PLXNB3: variants seen among roughly 807,000 people sequenced by gnomAD.
PLXNB3 encodes plexin-B3.
PLXNB3 carries 80 observed loss-of-function variants against 125.7 expected under a neutral mutation model. That is an observed-to-expected ratio of 0.64 (90% CI 0.53 to 0.77). The LOEUF is 0.77. Ranked by LOEUF, PLXNB3 falls within the 30% of genes least tolerant of loss-of-function variation. The probability of loss-of-function intolerance (pLI) is 0.00; values close to 1 mark genes in which losing one functional copy is unlikely to be tolerated. For missense variants in PLXNB3, 1,836 were observed against 1,729.3 expected, an observed-to-expected ratio of 1.06 and a Z score of -1.09; for synonymous variants, 954 against 783.3, an observed-to-expected ratio of 1.22 and a Z score of -3.64.
chrX:153,773,767 G>A (rs2091957990), intron 19 of PLXNB3, 54 bp downstream of exon 19: 2 of 1,186,529 alleles, frequency 1.7e-6, no homozygotes, highest in South Asian at 1.9e-5. Flanking sequence ...CCCATGCCCA[G>A]TGGGGAGGAG....
At position 153,771,581 on chromosome X, in the gene PLXNB3, C is replaced by A. The variant is rs782255019; in HGVS notation, c.2443C>A (p.Pro815Thr). 23 of 1,207,641 alleles carry A rather than the reference C, an allele frequency of 1.9e-5. No individual in the cohort carries two copies. The highest frequency in any genetic ancestry group is 2.3e-5 in the Non-Finnish European group (21 of 894,420). The change falls in exon 14 of 36, where the codon CCT becomes ACT. Residue 815 changes from proline to threonine, a missense_variant. Transcript: ENST00000361971. ...CTGCCTGTGGTGTGCTGACGGCCAG[C>A]CTGCCTGTCGCTATGGGCCCTTGTG... Reference protein sequence around the residue: ...LGCLWCADGQPACRYGPLCPP... With the variant: ...LGCLWCADGQTACRYGPLCPP...
In PLXNB3 at chrX:153,776,470, G is replaced by C. The variant is rs781850331; in HGVS notation, c.4833+11G>C. On this transcript the variant is annotated intron_variant, in intron 28 of 35. Transcript: ENST00000361971. ...TTGCAACACTACAAGGTGTGAGCAG[G>C]GACGGGGCGAGGCAGGGCGGGGCTG... The C allele has an allele frequency of 6.8e-5, 65 of 954,996 alleles. No homozygotes were observed. In the South Asian group the frequency reaches 1.2e-3, roughly 17 times the overall value. 78.7% of individuals were successfully genotyped at this position (954,996 alleles called of 1,213,427 possible).
chrX:153,765,381 C>G (rs1557058779), intron 1 of PLXNB3, 90 bp from the exon 2 acceptor site: 3 of 691,037 alleles, frequency 4.3e-6, no homozygotes, highest in African/African-American at 2.2e-5. Flanking sequence ...AGCCCGGTCG[C>G]TAGGCCCTGG....
At chrX:153,771,175 A>G in intron 12 of PLXNB3, 94 bp downstream of exon 12, 4 of 925,546 alleles carry the variant, frequency 4.3e-6, no homozygotes, top group Non-Finnish European at 6.2e-6. Context: ...GGGGCCCATA[A>G]CCTCTGTCTG....
In PLXNB3 at chrX:153,769,873, G is replaced by T. The variant is rs1557060936; in HGVS notation, c.1563G>T (p.Glu521Asp). 8.3e-7 allele frequency: 1 copy of T among 1,207,470 alleles called. No homozygotes were observed. The highest frequency in any genetic ancestry group is 3.0e-5 in the East Asian group (1 of 33,767). Reference protein sequence around the residue: ...QLNQWLWSYEEDSHCLHIQSL... With the variant: ...QLNQWLWSYEDDSHCLHIQSL... ...ACCAGTGGCTGTGGAGTTATGAGGA[G>T]GACAGCCACTGCCTGCACATCCAGA... Residue 521 changes from glutamate (E) to aspartate (D), a missense_variant, in exon 7 of 36, where the codon GAG (glutamate) becomes GAT (aspartate). Transcript: ENST00000361971.
chrX:153,773,025 C>G lies in PLXNB3; in HGVS notation c.2906+9C>G. Reference sequence around the variant, plus strand: ...GGCCAACCCTGTCCCATGTGAGTCCCGGCCTGGCTGCCGTCGGGTGGTGGG... The same window carrying G: ...GGCCAACCCTGTCCCATGTGAGTCCGGGCCTGGCTGCCGTCGGGTGGTGGG... On this transcript the variant is annotated intron_variant, in intron 17 of 35. Coordinates refer to ENST00000361971, the MANE Select transcript of PLXNB3 (RefSeq NM_005393.3). 8.6e-7 allele frequency: 1 copy of G among 1,163,274 alleles called. No homozygotes were observed. The highest frequency in any genetic ancestry group is 1.1e-6 in the Non-Finnish European group (1 of 874,815).
chrX:153,771,007 G>A lies in PLXNB3; in HGVS notation c.2179G>A (p.Glu727Lys). ...SFHCWLELPG[E>K]LRGLPATLEE... ...CCACTGCTGGCTGGAGCTGCCTGGA[G>A]AACTTCGGGGACTGCCGGCCACCCT... Residue 727 changes from glutamate to lysine, a missense_variant, in exon 12 of 36, where the codon GAA (glutamate) becomes AAA (lysine). Physicochemically the swap from Glu to Lys is moderately conservative, Grantham distance 56. Coordinates refer to ENST00000361971, the MANE Select transcript of PLXNB3 (RefSeq NM_005393.3). The A allele has an allele frequency of 5.8e-6, 7 of 1,210,850 alleles. No homozygotes were observed. Among genetic ancestry groups the A allele is most frequent in the South Asian group, 1.8e-5 (1 of 57,005 alleles).
intron 6 of PLXNB3, 41 bp downstream of exon 6, chrX:153,769,303 G>A (rs1557060669): frequency 7.6e-6 from 8 of 1,049,377 alleles, no homozygotes; most frequent in Non-Finnish European, 1.0e-5. Flanking sequence ...CCAACGGGTG[G>A]TGTGTGCCAC....
intron 5 of PLXNB3, 38 bp downstream of exon 5, chrX:153,769,114 C>G (rs781913138): frequency 8.3e-7 from 1 of 1,199,169 alleles, no homozygotes; most frequent in East Asian, 3.0e-5. Flanking sequence ...CCAGCACACG[C>G]GGCCCAAGTC....
chrX:153,766,307 C>T (rs782171127), intron 2 of PLXNB3: 36 of 1,160,094 alleles, frequency 3.1e-5, no homozygotes, highest in South Asian at 3.9e-5. Context: ...TCCTTGCAGC[C>T]GGCCCTGGCT....
At chrX:153,768,746 C>G (rs781951982) in intron 4 of PLXNB3, among the ~76,000 whole-genome samples, 7 of 112,381 alleles carry the variant, frequency 6.2e-5, no homozygotes, top group Non-Finnish European at 9.4e-5. Context: ...CAGGGTGCCG[C>G]TGCTGCCCCG....
chrX:153,772,075 T>G (rs782032727), intron 15 of PLXNB3, 60 bp downstream of exon 15: 3 of 1,127,694 alleles, frequency 2.7e-6, no homozygotes, highest in Non-Finnish European at 3.5e-6. Flanking sequence ...CACCCAGAGA[T>G]AAGGAAGGCC....
At chrX:153,770,011 C>G in intron 7 of PLXNB3, 72 bp downstream of exon 7, 2 of 1,189,573 alleles carry the variant, frequency 1.7e-6, no homozygotes, top group Non-Finnish European at 2.3e-6. Context: ...CCGCCTGCCT[C>G]CCGTCCTCCT....
intron 16 of PLXNB3, 94 bp downstream of exon 16, chrX:153,772,381 C>A: frequency 1.5e-6 from 1 of 661,152 alleles, no homozygotes; most frequent in Non-Finnish European, 2.4e-6. Context: ...GCTGGGTCTG[C>A]GGGGAGCAGG....
At position 153,767,634 on chromosome X, in the gene PLXNB3, G is replaced by GTTGGT; in HGVS notation, c.807_808insTTGGT (p.Asp270LeufsTer33). ...CCTACGTGGCCCGCGTCTGCCTGGG[G>GTTGGT]GACACCAACCTGTACTCCTACGTGG... On this transcript the variant is annotated frameshift_variant, in exon 3 of 36. Coordinates refer to ENST00000361971, the MANE Select transcript of PLXNB3 (RefSeq NM_005393.3). LOFTEE classifies it high-confidence loss of function. 5 of 1,197,763 alleles carry GTTGGT rather than the reference G, an allele frequency of 4.2e-6. No homozygotes were observed. Among genetic ancestry groups the GTTGGT allele is most frequent in the Non-Finnish European group, 5.6e-6 (5 of 888,751 alleles).
In PLXNB3 at chrX:153,778,617, C is replaced by G; in HGVS notation, c.5568C>G (p.Pro1856=). ...GCCCCCAGAACTACACTTCTGCTCC[C>G]CACTGTCTGGAGGCTCTGCAAGAAC... is the stretch of plus-strand genomic sequence containing the variant. The part of the protein sequence containing the change: ...AELSGNYTSA[P]HCLEALQELY... Residue 1856 remains proline, a synonymous_variant, in exon 35 of 36, where the codon CCC becomes CCG. Coordinates refer to ENST00000361971, the MANE Select transcript of PLXNB3 (RefSeq NM_005393.3). 1 of 1,204,591 alleles carries G rather than the reference C, an allele frequency of 8.3e-7. No individual in the cohort carries two copies. Among genetic ancestry groups the G allele is most frequent in the Non-Finnish European group, 1.1e-6 (1 of 891,214 alleles).
intron 34 of PLXNB3, 34 bp from the exon 35 acceptor site, chrX:153,778,566 G>T (rs2092022058): frequency 8.5e-7 from 1 of 1,177,486 alleles, no homozygotes; most frequent in Non-Finnish European, 1.2e-6. Context: ...ACCAGGCTGG[G>T]ACCTCACTGC....
Position 153,775,369 on chromosome X carries a change from T to A in PLXNB3, c.4300T>A (p.Tyr1434Asn). Residue 1434 changes from tyrosine to asparagine, a missense_variant, in exon 25 of 36, where the codon TAC (tyrosine) becomes AAC (asparagine). Tyr to Asn is a moderately radical substitution (Grantham distance 143, BLOSUM62 -2). Coordinates refer to ENST00000361971, the MANE Select transcript of PLXNB3 (RefSeq NM_005393.3). ...RTLLGDLAAH[Y>N]VHRNPKLMLR... ...CCTGCTGGGTGACCTGGCGGCCCAT[T>A]ACGTGCACAGGAACCCCAAGCTCAT... 8.3e-7 allele frequency: 1 copy of A among 1,208,608 alleles called. No individual in the cohort carries two copies. Among genetic ancestry groups the A allele is most frequent in the East Asian group, 3.0e-5 (1 of 33,825 alleles).
In PLXNB3 at chrX:153,770,159, A is replaced by G; in HGVS notation, c.1697A>G (p.Asp566Gly). ...GAATACTTCCATTGTGCGTTCGGGGACTATGACAGCTTGGCTCATGTGGAA... is the reference window on the plus strand; with the variant it reads ...GAATACTTCCATTGTGCGTTCGGGGGCTATGACAGCTTGGCTCATGTGGAA... Reference protein sequence around the residue: ...ADEYFHCAFGDYDSLAHVEGP... With the variant: ...ADEYFHCAFGGYDSLAHVEGP... The change falls in exon 8 of 36, where the codon GAC becomes GGC. Residue 566 changes from aspartate (D) to glycine (G), a missense_variant. Coordinates refer to ENST00000361971, the MANE Select transcript of PLXNB3 (RefSeq NM_005393.3). 1.7e-6 allele frequency: 2 copies of G among 1,210,761 alleles called. No homozygotes were observed. Among genetic ancestry groups the G allele is most frequent in the Middle Eastern group, 2.3e-4 (1 of 4,351 alleles).
Sources: gnomAD v4.1 joint callset for allele counts (sites outside exome capture counted in the v4.1 genomes callset) on GRCh38, gnomAD v4.1.1 for gene constraint, MANE v1.5 for transcripts, NCBI Gene and HGNC (gene_info 2026-07-23, HGNC 2026-07-21) for gene names.